CADM2: variants seen among roughly 807,000 people sequenced by gnomAD.
The protein encoded by CADM2 is immunoglobulin superfamily member 4D.
In CADM2, 12 loss-of-function variants were observed where a neutral mutation model predicts 49.8. The observed-to-expected ratio is 0.24, with a 90% confidence interval of 0.15 to 0.39. The LOEUF is 0.39. Ranked by LOEUF, CADM2 falls within the 10% of genes least tolerant of loss-of-function variation. The probability of loss-of-function intolerance (pLI) is 1.00; values close to 1 mark genes in which losing one functional copy is unlikely to be tolerated. For missense variants in CADM2, 378 were observed against 492.3 expected (o/e 0.77, Z 2.20); for synonymous variants, 214 against 175.4 (o/e 1.22, Z -1.74).
rs115323814 is a variant in CADM2 at position 85,060,861 on chromosome 3, C to T, written c.61+101193C>T. ...AGAATATTTATAAAGTGAATAGACACGAGATCAACATATTCAAATCAGTAC... is the reference window on the plus strand; with the variant it reads ...AGAATATTTATAAAGTGAATAGACATGAGATCAACATATTCAAATCAGTAC... On this transcript the variant is annotated intron_variant, in intron 1 of 9. Coordinates refer to ENST00000383699, the MANE Select transcript of CADM2 (RefSeq NM_001167675.2). Among the ~76,000 whole-genome samples the T allele has an allele frequency of 2.8e-3, 430 of 152,018 alleles. 3 individuals carry two copies. Among genetic ancestry groups the T allele is most frequent in the African/African-American group, 9.9e-3 (411 of 41,464 alleles).
intron 3 of CADM2, among the ~76,000 whole-genome samples, chr3:85,824,760 A>G (rs760280409): frequency 1.1e-4 from 16 of 152,108 alleles, no homozygotes; most frequent in Non-Finnish European, 2.4e-4. Context: ...TCTATCCTGT[A>G]TGGAGCAAGG....
intron 8 of CADM2, among the ~76,000 whole-genome samples, chr3:86,062,174 T>C (rs1233884223): frequency 6.6e-6 from 1 of 152,198 alleles, no homozygotes; most frequent in Non-Finnish European, 1.5e-5. Context: ...TGCCCAGTTC[T>C]GCAAGATATT....
At chr3:85,568,473 C>T (rs10222458) in intron 1 of CADM2, among the ~76,000 whole-genome samples, 1,874 of 26,866 alleles carry the variant, frequency 0.07, 288 homozygotes, top group African/African-American at 0.12. Flanking sequence ...CTCTTTCTCT[C>T]TCTTTCTTTC....
At chr3:85,040,474 C>T (rs1440159641) in intron 1 of CADM2, among the ~76,000 whole-genome samples, 1 of 151,938 alleles carries the variant, frequency 6.6e-6, no homozygotes, top group Admixed American at 6.6e-5. Context: ...CTGAGCAACA[C>T]TTACAGATTG....
chr3:85,753,294 G>A (rs553581993), intron 2 of CADM2, among the ~76,000 whole-genome samples: 2 of 152,022 alleles, frequency 1.3e-5, no homozygotes, highest in South Asian at 2.1e-4. Context: ...ATAAAGGAAC[G>A]CTGGAAGAGG....
intron 1 of CADM2, among the ~76,000 whole-genome samples, chr3:85,003,103 T>G (rs2107222622): frequency 6.6e-6 from 1 of 152,238 alleles, no homozygotes; most frequent in African/African-American, 2.4e-5. Flanking sequence ...GCCGTATCCT[T>G]TGAGAATCTC....
chr3:85,027,473 A>G (rs2034788195), intron 1 of CADM2, among the ~76,000 whole-genome samples: 1 of 151,954 alleles, frequency 6.6e-6, no homozygotes, highest in Admixed American at 6.5e-5. Context: ...GTTTCACTGG[A>G]ATAATTTTAA....
chr3:85,780,693 C>T (rs1340572531), intron 2 of CADM2, among the ~76,000 whole-genome samples: 1 of 152,074 alleles, frequency 6.6e-6, no homozygotes, highest in Non-Finnish European at 1.5e-5. Flanking sequence ...CCTTATTTTC[C>T]TGCAACATTT....
At position 86,064,279 on chromosome 3, in the gene CADM2, C is replaced by T. The variant is rs190758321; in HGVS notation, c.971-1326C>T. On this transcript the variant is annotated intron_variant, in intron 8 of 9. Transcript: ENST00000383699. ...GCCCAAGTGTTCTCATTGTTCATTC[C>T]CACCTATGAGTGAGAACATGCAGTG... Among the ~76,000 whole-genome samples, 4 of 152,090 alleles carry T rather than the reference C, an allele frequency of 2.6e-5. No homozygotes were observed. The East Asian group carries it at 7.8e-4, about 29-fold the overall frequency.
intron 2 of CADM2, among the ~76,000 whole-genome samples, chr3:85,738,777 T>A (rs1050064974): frequency 9.2e-5 from 14 of 152,184 alleles, no homozygotes; most frequent in African/African-American, 3.4e-4. Context: ...AGAGATATAC[T>A]AAAAGAGCAT....
At chr3:85,752,003 C>T (rs1295841709) in intron 2 of CADM2, among the ~76,000 whole-genome samples, 2 of 152,048 alleles carry the variant, frequency 1.3e-5, no homozygotes, top group African/African-American at 4.8e-5. Context: ...GCACAAAACA[C>T]TCAACTTTAA....
intron 1 of CADM2, among the ~76,000 whole-genome samples, chr3:85,722,910 G>A (rs1462406377): frequency 6.6e-6 from 1 of 152,124 alleles, no homozygotes; most frequent in Non-Finnish European, 1.5e-5. Context: ...AGCCAGACAA[G>A]TGTCTAATTT....
chr3:85,280,141 T>A (rs1490842865), intron 1 of CADM2, among the ~76,000 whole-genome samples: 1 of 151,658 alleles, frequency 6.6e-6, no homozygotes, highest in African/African-American at 2.4e-5. Flanking sequence ...ACAACTTAAC[T>A]TTAATCACAT....
intron 1 of CADM2, among the ~76,000 whole-genome samples, chr3:85,651,571 A>T (rs2065042836): frequency 6.6e-6 from 1 of 152,204 alleles, no homozygotes; most frequent in Admixed American, 6.5e-5. Flanking sequence ...AAAAAGACAA[A>T]TCACAATTTC....
chr3:85,352,799 G>T (rs188575709), intron 1 of CADM2, among the ~76,000 whole-genome samples: 8 of 152,202 alleles, frequency 5.3e-5, no homozygotes, highest in Non-Finnish European at 1.0e-4. Flanking sequence ...CTTTTCAAAT[G>T]ATTTTTTAGT....
intron 8 of CADM2, among the ~76,000 whole-genome samples, chr3:85,997,863 T>G (rs1419931559): frequency 1.3e-5 from 2 of 152,208 alleles, no homozygotes; most frequent in African/African-American, 4.8e-5. Context: ...GTCTTCGTTT[T>G]GGTCAGGAGA....
intron 1 of CADM2, among the ~76,000 whole-genome samples, chr3:85,367,573 T>G (rs910594534): frequency 6.6e-6 from 1 of 151,880 alleles, no homozygotes; most frequent in African/African-American, 2.4e-5. Context: ...TCATTAAATA[T>G]TTACTTAATG....
chr3:85,543,435 T>TGTGTGTGGGTGTGTGTGTGTGG lies in CADM2; in HGVS notation c.62-183080_62-183079insGGTGTGTGTGTGTGGGTGTGTG. 1.3e-5 allele frequency among the ~76,000 whole-genome samples: 2 copies of TGTGTGTGGGTGTGTGTGTGTGG among 150,456 alleles called. 1 individual carries two copies. The highest frequency in any genetic ancestry group is 1.3e-4 in the Admixed American group (2 of 15,078). On this transcript the variant is annotated intron_variant, in intron 1 of 9. Coordinates refer to ENST00000383699, the MANE Select transcript of CADM2 (RefSeq NM_001167675.2). ...TGCCAAGCTAATGTGTGTGTGTGTG[T>TGTGTGTGGGTGTGTGTGTGTGG]GTGTGTGTGTGTGTGTGTGTGTATT...
chr3:85,407,076 T>TG (rs1450309040), intron 1 of CADM2, among the ~76,000 whole-genome samples: 1 of 151,952 alleles, frequency 6.6e-6, no homozygotes, highest in Non-Finnish European at 1.5e-5. Context: ...GTGGTGCATG[T>TG]GTTTGATGCC....
Sources: gnomAD v4.1 joint callset for allele counts (sites outside exome capture counted in the v4.1 genomes callset) on GRCh38, gnomAD v4.1.1 for gene constraint, MANE v1.5 for transcripts, NCBI Gene and HGNC (gene_info 2026-07-23, HGNC 2026-07-21) for gene names.